RYR3: variants seen among roughly 807,000 people sequenced by gnomAD.
The protein encoded by RYR3 is brain ryanodine receptor-calcium release channel.
In RYR3, 207 loss-of-function variants were observed where a neutral mutation model predicts 584.3. The observed-to-expected ratio is 0.35, with a 90% confidence interval of 0.32 to 0.40. The LOEUF is 0.40. Ranked by LOEUF, RYR3 falls within the 10% of genes least tolerant of loss-of-function variation. The pLI is 1.00. For synonymous variants in RYR3, 2,416 were observed against 2,248.5 expected (o/e 1.07, Z -2.11); for missense variants, 5,616 against 6,089.2 (o/e 0.92, Z 2.59).
rs8032129 is a variant in RYR3, at chr15:33,510,645, T to C, written c.279+6907T>C. Among the ~76,000 whole-genome samples the C allele has an allele frequency of 4.7e-3, 711 of 152,068 alleles. 8 individuals carry two copies. The highest frequency in any genetic ancestry group is 0.016 in the African/African-American group (678 of 41,478). Reference sequence around the variant, plus strand: ...TCTCCTGTGAATTTTCTCGTGGAATTTTAGGGGACATATCATGTATATTTG... The same window carrying C: ...TCTCCTGTGAATTTTCTCGTGGAATCTTAGGGGACATATCATGTATATTTG... On this transcript the variant is annotated intron_variant, in intron 3 of 103. Transcript: ENST00000634891.
In RYR3 at chr15:33,539,593, A is replaced by C. The variant is rs1275436153; in HGVS notation, c.546+131A>C. ...TTTTACATATATAGAGTTGACCCTT[A>C]AACAATGTAGGGGTTAGGGATGCTG... On this transcript the variant is annotated intron_variant, in intron 6 of 103. Transcript: ENST00000634891. 4 of 575,760 alleles carry C rather than the reference A, an allele frequency of 6.9e-6. No individual in the cohort carries two copies. The African/African-American group carries it at 7.5e-5, about 11-fold the overall frequency. 35.7% of individuals were successfully genotyped at this position (575,760 alleles called of 1,614,324 possible).
chr15:33,600,546 G>A (rs2059607390), intron 16 of RYR3, among the ~76,000 whole-genome samples: 1 of 152,024 alleles, frequency 6.6e-6, no homozygotes, highest in South Asian at 2.1e-4. Context: ...TGCAGGACAA[G>A]GCAGACAGAG....
At chr15:33,658,227 C>T (rs993561607) in intron 32 of RYR3, among the ~76,000 whole-genome samples, 4 of 152,198 alleles carry the variant, frequency 2.6e-5, no homozygotes, top group African/African-American at 7.2e-5. Context: ...TCCATGCTTA[C>T]GTGCTTGTTG....
intron 47 of RYR3, among the ~76,000 whole-genome samples, chr15:33,730,842 T>G (rs1567044661): frequency 6.6e-6 from 1 of 152,242 alleles, no homozygotes; most frequent in Admixed American, 6.5e-5. Context: ...AAGTTTCTGT[T>G]CCTTTTCCAC....
chr15:33,830,184 G>A (rs140452485), intron 85 of RYR3, among the ~76,000 whole-genome samples: 4 of 152,318 alleles, frequency 2.6e-5, no homozygotes, highest in East Asian at 3.9e-4. Context: ...CAGTACATGC[G>A]TCTTTCATGA....
At chr15:33,323,022 T>C (rs574069591) in intron 1 of RYR3, among the ~76,000 whole-genome samples, 1 of 151,782 alleles carries the variant, frequency 6.6e-6, no homozygotes, top group Admixed American at 6.5e-5. Context: ...TTGTCATTTA[T>C]GTTTGTAGAG....
intron 1 of RYR3, among the ~76,000 whole-genome samples, chr15:33,447,744 A>G (rs1056905888): frequency 3.9e-5 from 6 of 152,178 alleles, no homozygotes; most frequent in Non-Finnish European, 4.4e-5. Context: ...ACACATGACT[A>G]GTGGCCACAG....
At position 33,636,410 on chromosome 15, in the gene RYR3, G is replaced by C. The variant is rs2061502183; in HGVS notation, c.3416G>C (p.Gly1139Ala). 1.9e-6 allele frequency: 3 copies of C among 1,613,824 alleles called. No individual in the cohort carries two copies. Among genetic ancestry groups the C allele is most frequent in the Non-Finnish European group, 2.5e-6 (3 of 1,179,830 alleles). Reference protein sequence around the residue: ...QRWHQGSGYFGRTWQPGDVVG... With the variant: ...QRWHQGSGYFARTWQPGDVVG... ...TGGCATCAAGGAAGTGGGTATTTTG[G>C]GCGTACCTGGCAGCCAGGGGATGTG... is the stretch of plus-strand genomic sequence containing the variant. Residue 1139 changes from glycine to alanine, a missense_variant, in exon 27 of 104, where the codon GGG (glycine) becomes GCG (alanine). By Grantham distance (60) the Gly-to-Ala change is moderately conservative. Coordinates refer to ENST00000634891, the MANE Select transcript of RYR3 (RefSeq NM_001036.6).
chr15:33,865,010 G>T, intron 103 of RYR3, 121 bp from the exon 104 acceptor site: 1 of 679,996 alleles, frequency 1.5e-6, no homozygotes. Flanking sequence ...GAATGTGCAG[G>T]TTTGGCCTCA....
chr15:33,645,578 C>T (rs192770144), intron 28 of RYR3, among the ~76,000 whole-genome samples: 42 of 152,190 alleles, frequency 2.8e-4, no homozygotes, highest in African/African-American at 8.9e-4. Flanking sequence ...CCCTAGAGGC[C>T]CTCTACTTAG....
intron 1 of RYR3, among the ~76,000 whole-genome samples, chr15:33,353,750 A>G (rs940126299): frequency 2.0e-5 from 3 of 152,160 alleles, no homozygotes; most frequent in African/African-American, 7.2e-5. Flanking sequence ...GTTTTCCCTC[A>G]ATTAACAGAC....
At chr15:33,436,501 CTTTTTTT>C (rs34317660) in intron 1 of RYR3, among the ~76,000 whole-genome samples, 20 of 135,920 alleles carry the variant, frequency 1.5e-4, no homozygotes, top group Non-Finnish European at 3.0e-4. Context: ...AAACCATATT[CTTTTTTT>C]TTTTTTTTTT....
At chr15:33,790,661 G>A (rs948649443) in intron 67 of RYR3, among the ~76,000 whole-genome samples, 1 of 152,140 alleles carries the variant, frequency 6.6e-6, no homozygotes, top group South Asian at 2.1e-4. Context: ...TTGCATATAA[G>A]ATTCAGAGTT....
chr15:33,417,040 T>C (rs1202226971), intron 1 of RYR3, among the ~76,000 whole-genome samples: 1 of 152,230 alleles, frequency 6.6e-6, no homozygotes, highest in African/African-American at 2.4e-5. Context: ...TTCAGTTCTA[T>C]TCATGTATGT....
chr15:33,742,100 C>G (rs915700674), intron 51 of RYR3, among the ~76,000 whole-genome samples: 1 of 152,214 alleles, frequency 6.6e-6, no homozygotes, highest in Non-Finnish European at 1.5e-5. Flanking sequence ...CCAAGAGACC[C>G]TGGAGCACAT....
At chr15:33,685,523 A>G (rs2064938500) in intron 38 of RYR3, among the ~76,000 whole-genome samples, 1 of 151,872 alleles carries the variant, frequency 6.6e-6, no homozygotes, top group Non-Finnish European at 1.5e-5. Flanking sequence ...CACTGTCAAT[A>G]TTAGATCAAC....
Position 33,656,480 on chromosome 15 carries a change from T to G in RYR3, c.4309-3240T>G, listed in dbSNP as rs2062829538. Among the ~76,000 whole-genome samples the G allele has an allele frequency of 2.1e-5, 3 of 142,708 alleles. No individual in the cohort carries two copies. The Admixed American group carries it at 2.2e-4, about 10-fold the overall frequency. 93.6% of individuals were successfully genotyped at this position (142,708 alleles called of 152,430 possible). A position where few individuals can be genotyped will look rare whatever the true frequency, so the allele number is the denominator to read the frequency against. On this transcript the variant is annotated intron_variant, in intron 32 of 103. Coordinates refer to ENST00000634891, the MANE Select transcript of RYR3 (RefSeq NM_001036.6). The stretch of plus-strand genomic sequence containing the variant: ...GACCCACGGCTGGGAAATCCCCTTG[T>G]AGGCATTTTTTTTTTATTGTTGCCT...
intron 53 of RYR3, 101 bp downstream of exon 53, chr15:33,746,258 C>A (rs2152842693): frequency 1.2e-6 from 1 of 818,774 alleles, no homozygotes; most frequent in Non-Finnish European, 2.1e-6. Context: ...CACGTCCCTA[C>A]AACATCATCA....
chr15:33,675,732 G>C (rs2064135761), intron 38 of RYR3, among the ~76,000 whole-genome samples: 1 of 152,184 alleles, frequency 6.6e-6, no homozygotes. Flanking sequence ...CTGGCATATA[G>C]TAAGCGCTTA....
Sources: allele counts gnomAD v4.1 joint callset (sites outside exome capture counted in the v4.1 genomes callset), GRCh38; gene constraint gnomAD v4.1.1; transcripts MANE v1.5; gene names NCBI Gene and HGNC (gene_info 2026-07-23, HGNC 2026-07-21).